The following CD53 variants were observed in gnomAD, a reference collection of about 807,000 sequenced individuals.
CD53 encodes the protein CD53 molecule.
In CD53, 20 loss-of-function variants were observed where a neutral mutation model predicts 27.3. That is an observed-to-expected ratio of 0.73 (90% CI 0.52 to 1.07). The LOEUF (loss-of-function observed/expected upper bound fraction) is 1.07. Among genes scored for constraint, CD53 ranks in the 50% least tolerant of loss-of-function variants. The pLI, the probability that CD53 is intolerant of heterozygous loss-of-function variation, is 0.00. For synonymous variants in CD53, 106 were observed against 105.3 expected (o/e 1.01, Z -0.04); for missense variants, 216 against 264.0 (o/e 0.82, Z 1.26).
intron 2 of CD53, 92 bp from the exon 3 acceptor site, chr1:110,892,253 T>G (rs575615206): frequency 1.1e-6 from 1 of 937,324 alleles, no homozygotes; most frequent in African/African-American, 1.6e-5. Flanking sequence ...CAGTTAAAAA[T>G]AAAGTGATTC....
chr1:110,892,471 A>G lies in CD53; in HGVS notation c.190A>G (p.Met64Val), dbSNP rs776524394. ...GTTTGTCATCGTGGGCTCTATTATC[A>G]TGGTAGTTGCCTTCCTGGGCTGCAT... ...NVFVIVGSII[M>V]VVAFLGCMGS... Residue 64 changes from methionine (M) to valine (V), a missense_variant, in exon 3 of 8, where the codon ATG (methionine) becomes GTG (valine). Coordinates refer to ENST00000271324, the MANE Select transcript of CD53 (RefSeq NM_000560.4). 6 of 1,613,938 alleles carry G rather than the reference A, an allele frequency of 3.7e-6. No individual in the cohort carries two copies. In the East Asian group the frequency reaches 1.3e-4, roughly 36 times the overall value.
intron 5 of CD53, 84 bp from the exon 6 acceptor site, chr1:110,896,569 G>A (rs185242120): frequency 1.6e-6 from 2 of 1,275,098 alleles, no homozygotes; most frequent in African/African-American, 1.5e-5. Flanking sequence ...CAGATCTGAA[G>A]GGCACACCTT....
chr1:110,897,921 AG>A, intron 7 of CD53, 29 bp downstream of exon 7: 1 of 1,314,526 alleles, frequency 7.6e-7, no homozygotes. Context: ...GGTTATTGTG[AG>A]GATTACATGA....
intron 1 of CD53, among the ~76,000 whole-genome samples, chr1:110,888,439 T>C (rs1656715498): frequency 6.6e-6 from 1 of 152,186 alleles, no homozygotes; most frequent in African/African-American, 2.4e-5. Flanking sequence ...GCTGAGGCAA[T>C]CACAGGGCTC....
Position 110,894,328 on chromosome 1 carries a change from T to A in CD53, c.254T>A (p.Phe85Tyr). 1 of 1,614,014 alleles carries A rather than the reference T, an allele frequency of 6.2e-7. No homozygotes were observed. Among genetic ancestry groups the A allele is most frequent in the Non-Finnish European group, 8.5e-7 (1 of 1,179,868 alleles). The change falls in exon 4 of 8, where the codon TTC becomes TAC. Residue 85 changes from phenylalanine (F) to tyrosine (Y), a missense_variant and splice_region_variant. Transcript: ENST00000271324. ...IKENKCLLMS[F>Y]FILLLIILLA... is the part of the protein sequence containing the mutation. ...GAGAATGTATCTGCTTTGTCCCAGT[T>A]CTTCATCCTGCTGCTGATTATCCTC...
rs779639147 is a variant in CD53 at position 110,892,532 on chromosome 1, C to T, written c.251C>T (p.Ser84Leu). The T allele has an allele frequency of 1.5e-5, 24 of 1,612,390 alleles. No homozygotes were observed. The highest frequency in any genetic ancestry group is 3.4e-4 in the Middle Eastern group (2 of 5,906). Residue 84 changes from serine (S) to leucine (L), a missense_variant and splice_region_variant, in exon 3 of 8, where the codon TCG becomes TTG. By Grantham distance (145) the Ser-to-Leu change is moderately radical. Coordinates refer to ENST00000271324, the MANE Select transcript of CD53 (RefSeq NM_000560.4). ...AAGGAAAACAAGTGTCTGCTTATGT[C>T]GGTGAGTCCTTACAGCAGATGTGGT... ...SIKENKCLLM[S>L]FFILLLIILL...
At chr1:110,872,766 CT>C (rs2101032464), upstream of CD53, among the ~76,000 whole-genome samples, 1 of 152,310 alleles carries the variant, frequency 6.6e-6, no homozygotes. Flanking sequence ...CTGTGTTCCC[CT>C]CCAGTCTGTC....
At chr1:110,876,572 G>A (rs1656137674) in intron 1 of CD53, among the ~76,000 whole-genome samples, 1 of 152,034 alleles carries the variant, frequency 6.6e-6, no homozygotes, top group South Asian at 2.1e-4. Context: ...TTTAAAACTT[G>A]TTAAAGTTTA....
chr1:110,897,100 T>C (rs1657100407), intron 6 of CD53, among the ~76,000 whole-genome samples: 1 of 152,244 alleles, frequency 6.6e-6, no homozygotes, highest in African/African-American at 2.4e-5. Flanking sequence ...CTCTCCCTCT[T>C]TCTCTGCTCT....
chr1:110,877,998 C>T (rs1656193951), intron 1 of CD53, among the ~76,000 whole-genome samples: 1 of 152,160 alleles, frequency 6.6e-6, no homozygotes, highest in African/African-American at 2.4e-5. Flanking sequence ...GGCACAAAAC[C>T]AGAGCCTGGG....
At chr1:110,898,277 T>TA (rs1246560515) in intron 7 of CD53, among the ~76,000 whole-genome samples, 1 of 148,816 alleles carries the variant, frequency 6.7e-6, no homozygotes, top group Non-Finnish European at 1.5e-5. Context: ...CTTGGGAGGC[T>TA]AAGGTAGGAG....
chr1:110,878,497 G>A (rs568436253), intron 1 of CD53, among the ~76,000 whole-genome samples: 11 of 152,208 alleles, frequency 7.2e-5, no homozygotes, highest in Admixed American at 3.3e-4. Flanking sequence ...GTTATCTCTG[G>A]GAGGTGGGAT....
At chr1:110,875,450 A>G (rs1656089402) in intron 1 of CD53, among the ~76,000 whole-genome samples, 2 of 152,220 alleles carry the variant, frequency 1.3e-5, no homozygotes, top group African/African-American at 4.8e-5. Context: ...ATTTTCACTT[A>G]GAGCAGAAGG....
In CD53 at chr1:110,878,956, C is replaced by T. The variant is rs149411721; in HGVS notation, c.-18+5708C>T. ...TTTATCTTTTATTACTGAAATTTAA[C>T]ATTTTCAATTTGTTCTAATAGGTAC... On this transcript the variant is annotated intron_variant, in intron 1 of 7. Transcript: ENST00000271324. Among the ~76,000 whole-genome samples the T allele has an allele frequency of 4.9e-4, 75 of 152,110 alleles. 1 individual carries two copies. The East Asian group carries it at 0.01, about 21-fold the overall frequency.
intron 1 of CD53, 65 bp downstream of exon 1, chr1:110,873,313 T>A (rs1656018531): frequency 6.6e-6 from 1 of 152,458 alleles, no homozygotes; most frequent in African/African-American, 2.4e-5. Context: ...TTCTTAGGGG[T>A]CTCCATATAC....
intron 1 of CD53, among the ~76,000 whole-genome samples, chr1:110,883,097 T>C (rs1656423026): frequency 6.6e-6 from 1 of 151,962 alleles, no homozygotes. Context: ...CAATGCCAAA[T>C]AGAGTAGTTA....
intron 1 of CD53, among the ~76,000 whole-genome samples, chr1:110,875,182 G>A (rs1462603692): frequency 6.6e-6 from 1 of 152,226 alleles, no homozygotes; most frequent in Non-Finnish European, 1.5e-5. Flanking sequence ...ATTCAAAGAA[G>A]TGTGTACCTC....
At chr1:110,887,844 A>T (rs1231598806) in intron 1 of CD53, among the ~76,000 whole-genome samples, 1 of 152,214 alleles carries the variant, frequency 6.6e-6, no homozygotes. Flanking sequence ...CTTAATGGAC[A>T]CTTTGGTAGA....
intron 1 of CD53, among the ~76,000 whole-genome samples, chr1:110,888,353 T>C (rs1656712001): frequency 6.6e-6 from 1 of 152,190 alleles, no homozygotes; most frequent in African/African-American, 2.4e-5. Flanking sequence ...CCTAGCTGCC[T>C]TGGTCTCCTC....
Sources: allele counts gnomAD v4.1 joint callset (sites outside exome capture counted in the v4.1 genomes callset), GRCh38; gene constraint gnomAD v4.1.1; transcripts MANE v1.5; gene names NCBI Gene and HGNC (gene_info 2026-07-23, HGNC 2026-07-21).